Variants in SUGP2 observed in about 807,000 individuals in gnomAD.
The protein encoded by SUGP2 is SURP and G-patch domain containing 2, also known as SURP and G-patch domain-containing protein 2.
A neutral mutation model predicts 90.5 loss-of-function variants in SUGP2; 24 were observed. That is an observed-to-expected ratio of 0.27 (90% confidence interval 0.19 to 0.37). SUGP2 has a LOEUF of 0.37. Ranked by LOEUF, SUGP2 falls within the 10% of genes least tolerant of loss-of-function variation. The pLI, the probability that SUGP2 is intolerant of heterozygous loss-of-function variation, is 1.00. For missense variants in SUGP2, 1,233 were observed against 1,363.3 expected, an observed-to-expected ratio of 0.90 and a Z score of 1.51; for synonymous variants, 473 against 513.4, an observed-to-expected ratio of 0.92 and a Z score of 1.06.
At chr19:19,014,951 C>T (rs1267322381) in intron 4 of SUGP2, among the ~76,000 whole-genome samples, 1 of 152,038 alleles carries the variant, frequency 6.6e-6, no homozygotes, top group African/African-American at 2.4e-5. Context: ...CCTGTAATTC[C>T]AGCGCTTTGG....
chr19:19,022,136 C>A (rs536515462), intron 3 of SUGP2, among the ~76,000 whole-genome samples: 1 of 152,112 alleles, frequency 6.6e-6, no homozygotes, highest in African/African-American at 2.4e-5. Flanking sequence ...AGGCACATGC[C>A]ACCACGCCCG....
At position 19,019,233 on chromosome 19, in the gene SUGP2, G is replaced by C; in HGVS notation, c.1730-4C>G. 6.2e-7 allele frequency: 1 copy of C among 1,609,002 alleles called. No homozygotes were observed. Among genetic ancestry groups the C allele is most frequent in the Non-Finnish European group, 8.5e-7 (1 of 1,175,976 alleles). Reference sequence around the variant, plus strand: ...TGATCTGCTCGCTGGGGGACAGCTGGAACACACAGAACAGCTTCTCTGAGA... The same window carrying C: ...TGATCTGCTCGCTGGGGGACAGCTGCAACACACAGAACAGCTTCTCTGAGA... On this transcript the variant is annotated splice_polypyrimidine_tract_variant and splice_region_variant and intron_variant, in intron 3 of 10. Transcript: ENST00000452918.
chr19:19,026,677 C>G (rs2058944485), intron 2 of SUGP2, among the ~76,000 whole-genome samples: 1 of 152,216 alleles, frequency 6.6e-6, no homozygotes, highest in African/African-American at 2.4e-5. Context: ...TGTGTTTCTA[C>G]TTCTATCTCA....
At chr19:19,024,595 A>G (rs1405693105) in intron 3 of SUGP2, 24 bp downstream of exon 3, 1 of 1,572,206 alleles carries the variant, frequency 6.4e-7, no homozygotes, top group East Asian at 2.3e-5. Context: ...AACAACAAAT[A>G]GAAACTTTGG....
chr19:19,021,535 G>A (rs553778366), intron 3 of SUGP2, among the ~76,000 whole-genome samples: 5 of 152,088 alleles, frequency 3.3e-5, no homozygotes, highest in African/African-American at 4.8e-5. Flanking sequence ...GGATGACCAC[G>A]AACAAGGGTC....
At chr19:19,023,039 G>A (rs2058788544) in intron 3 of SUGP2, among the ~76,000 whole-genome samples, 1 of 152,164 alleles carries the variant, frequency 6.6e-6, no homozygotes, top group Non-Finnish European at 1.5e-5. Flanking sequence ...GGAAGGAAGA[G>A]GGAAACCAAA....
At chr19:19,007,414 G>A (rs2058119736) in intron 6 of SUGP2, 1 of 152,272 alleles carries the variant, frequency 6.6e-6, no homozygotes. Flanking sequence ...CTCTGGGGAG[G>A]TTTTTCCTGA....
intron 3 of SUGP2, among the ~76,000 whole-genome samples, chr19:19,024,253 G>T (rs1172787370): frequency 2.0e-5 from 3 of 152,180 alleles, no homozygotes; most frequent in African/African-American, 7.2e-5. Context: ...TGGGATTTCA[G>T]GTGCGTGCCA....
intron 2 of SUGP2, among the ~76,000 whole-genome samples, chr19:19,030,287 C>T (rs979142867): frequency 3.3e-5 from 5 of 152,046 alleles, no homozygotes; most frequent in Non-Finnish European, 5.9e-5. Flanking sequence ...GTCGGGAGTT[C>T]GAGACCAGCC....
intron 1 of SUGP2, 124 bp from the exon 2 acceptor site, chr19:19,031,206 G>A (rs993883194): frequency 7.1e-6 from 7 of 987,926 alleles, no homozygotes; most frequent in South Asian, 4.8e-5. Flanking sequence ...TCAGGAGTTC[G>A]AGACCAGCCT....
At chr19:19,009,441 C>T (rs2145471296) in intron 5 of SUGP2, among the ~76,000 whole-genome samples, 1 of 152,200 alleles carries the variant, frequency 6.6e-6, no homozygotes, top group East Asian at 1.9e-4. Context: ...GTCAGCGAAC[C>T]CCAAGAACAG....
chr19:19,018,740 CAA>C (rs1468360083), intron 4 of SUGP2, among the ~76,000 whole-genome samples: 1 of 144,686 alleles, frequency 6.9e-6, no homozygotes, highest in Non-Finnish European at 1.5e-5. Context: ...GGCAATTAAG[CAA>C]AAGACAGTTT....
chr19:18,997,950 G>C (rs184838668), intron 8 of SUGP2, among the ~76,000 whole-genome samples: 1 of 152,106 alleles, frequency 6.6e-6, no homozygotes, highest in Non-Finnish European at 1.5e-5. Context: ...TGCCAAAGAA[G>C]AACACAAGGG....
At chr19:19,013,214 C>T (rs1349471932) in intron 4 of SUGP2, among the ~76,000 whole-genome samples, 1 of 152,212 alleles carries the variant, frequency 6.6e-6, no homozygotes, top group Non-Finnish European at 1.5e-5. Context: ...TGGCTCAAAG[C>T]TATGTAGTGC....
intron 3 of SUGP2, among the ~76,000 whole-genome samples, chr19:19,019,991 C>CAAAAAAA (rs11434968): frequency 1.7e-4 from 6 of 34,834 alleles, no homozygotes; most frequent in Admixed American, 4.9e-4. Context: ...TGCTAAAATA[C>CAAAAAAA]AAAAAAAAAA....
chr19:18,995,116 C>T (rs768694767), intron 9 of SUGP2, 28 bp downstream of exon 9: 69 of 1,567,282 alleles, frequency 4.4e-5, no homozygotes, highest in Non-Finnish European at 5.7e-5. Context: ...GCCCCACCCA[C>T]TCCCACCCCA....
At chr19:19,008,856 C>T (rs527444673) in intron 5 of SUGP2, among the ~76,000 whole-genome samples, 1 of 152,336 alleles carries the variant, frequency 6.6e-6, no homozygotes, top group South Asian at 2.1e-4. Flanking sequence ...TGTGGGCTAG[C>T]TCAGCAGATG....
intron 2 of SUGP2, among the ~76,000 whole-genome samples, chr19:19,029,631 A>G (rs754928589): frequency 4.2e-5 from 6 of 142,026 alleles, no homozygotes; most frequent in Non-Finnish European, 7.6e-5. Context: ...GATTTTTAGT[A>G]AAGACGGGGT....
At chr19:19,033,099 T>A (rs1047568957) in intron 1 of SUGP2, 1 of 156,888 alleles carries the variant, frequency 6.4e-6, no homozygotes, top group Non-Finnish European at 1.4e-5. Flanking sequence ...GAACCGGTTC[T>A]AAAGAGGGCA....
Sources: allele counts gnomAD v4.1 joint callset (sites outside exome capture counted in the v4.1 genomes callset), GRCh38; gene constraint gnomAD v4.1.1; transcripts MANE v1.5; gene names NCBI Gene and HGNC (gene_info 2026-07-23, HGNC 2026-07-21).